MRPL14: variants seen among roughly 807,000 people sequenced by gnomAD.
MRPL14 encodes the protein mitochondrial ribosomal protein L14.
A neutral mutation model predicts 10.9 loss-of-function variants in MRPL14; 8 were observed. The ratio of observed to expected loss-of-function variants is 0.74; its 90% CI spans 0.43 to 1.33. MRPL14 has a LOEUF of 1.33. Among genes scored for constraint, MRPL14 ranks in the 40% most tolerant of loss-of-function variants. The pLI is 0.01. For synonymous variants in MRPL14, 82 were observed against 74.1 expected (o/e 1.11, Z -0.54); for missense variants, 179 against 194.5 (o/e 0.92, Z 0.47).
rs567751467 is a variant in MRPL14, at chr6:44,114,155, G to A, written c.126C>T (p.Asp42=). 1 of 1,614,004 alleles carries A rather than the reference G, an allele frequency of 6.2e-7. No individual in the cohort carries two copies. Among genetic ancestry groups the A allele is most frequent in the South Asian group, 1.1e-5 (1 of 91,078 alleles). ...ATGGGCTGTTCCCCAGGGCACTGTT[G>A]TCCACCACTCGTACCCGCGTCATCT... The part of the protein sequence containing the change: ...IQKMTRVRVV[D]NSALGNSPYH... Residue 42 remains aspartate, a synonymous_variant, in exon 3 of 3, where the codon GAC becomes GAT. Transcript: ENST00000372014.
intron 1 of MRPL14, among the ~76,000 whole-genome samples, chr6:44,116,918 A>G (rs1775906786): frequency 1.3e-5 from 2 of 152,210 alleles, no homozygotes; most frequent in Non-Finnish European, 2.9e-5. Context: ...TATCACTTCC[A>G]CAGGCAGGAG....
At chr6:44,123,707 G>C (rs1776667056) in intron 1 of MRPL14, among the ~76,000 whole-genome samples, 1 of 152,134 alleles carries the variant, frequency 6.6e-6, no homozygotes, top group Non-Finnish European at 1.5e-5. Flanking sequence ...GCCCCACCTT[G>C]TTGCAAAAGT....
At chr6:44,121,870 T>C (rs983440693) in intron 1 of MRPL14, among the ~76,000 whole-genome samples, 4 of 139,352 alleles carry the variant, frequency 2.9e-5, no homozygotes, top group South Asian at 2.3e-4. Context: ...ACCTGGGAGG[T>C]GGAGGTTGCA....
At chr6:44,117,772 C>T (rs2128194871) in intron 1 of MRPL14, among the ~76,000 whole-genome samples, 2 of 151,918 alleles carry the variant, frequency 1.3e-5, no homozygotes, top group South Asian at 4.2e-4. Context: ...TCAGGTGATC[C>T]TCCCACCTCA....
chr6:44,125,654 CAAAAAAAA>C (rs56951374), intron 1 of MRPL14, among the ~76,000 whole-genome samples: 9 of 64,592 alleles, frequency 1.4e-4, no homozygotes, highest in Admixed American at 5.1e-4. Flanking sequence ...GAGACTGTCT[CAAAAAAAA>C]AAAAAAAAAA....
intron 1 of MRPL14, among the ~76,000 whole-genome samples, chr6:44,124,424 C>T (rs1184036818): frequency 6.6e-6 from 1 of 152,224 alleles, no homozygotes; most frequent in Non-Finnish European, 1.5e-5. Flanking sequence ...GACAATCCTT[C>T]TCTGAATTAT....
intron 1 of MRPL14, among the ~76,000 whole-genome samples, chr6:44,117,521 C>T (rs1360431176): frequency 6.6e-6 from 1 of 152,108 alleles, no homozygotes; most frequent in African/African-American, 2.4e-5. Context: ...AGAGGTCTGC[C>T]GAGAAAAGCC....
At position 44,116,582 on chromosome 6, in the gene MRPL14, G is replaced by A. The variant is rs898562030; in HGVS notation, c.30C>T (p.Pro10=). MAFFTGLWG[P]FTCVSRVLSH... ...TCAGCACTCTGCTTACACAGGTGAA[G>A]GGGCCCCAGAGCCCAGTAAAGAAAG... Residue 10 remains proline, a synonymous_variant, in exon 2 of 3, where the codon CCC becomes CCT. Transcript: ENST00000372014. The A allele has an allele frequency of 6.2e-7, 1 of 1,614,194 alleles. No homozygotes were observed.
chr6:44,117,423 T>A (rs61746566), intron 1 of MRPL14, among the ~76,000 whole-genome samples: 349 of 152,266 alleles, frequency 2.3e-3, no homozygotes, highest in Non-Finnish European at 4.4e-3. Flanking sequence ...GAACATCACT[T>A]CAGAGCATGC....
chr6:44,116,839 A>T (rs1228593829), intron 1 of MRPL14, among the ~76,000 whole-genome samples: 1 of 152,200 alleles, frequency 6.6e-6, no homozygotes, highest in Non-Finnish European at 1.5e-5. Context: ...GGGGTTGGAG[A>T]GGGAGAATGG....
intron 2 of MRPL14, among the ~76,000 whole-genome samples, chr6:44,115,524 A>G (rs1333329659): frequency 1.3e-5 from 2 of 152,004 alleles, no homozygotes; most frequent in Admixed American, 1.3e-4. Flanking sequence ...TTTCTCTCCA[A>G]TCCCGCCAAC....
intron 1 of MRPL14, among the ~76,000 whole-genome samples, chr6:44,120,389 C>G (rs1162844996): frequency 6.6e-6 from 1 of 152,202 alleles, no homozygotes; most frequent in Admixed American, 6.5e-5. Flanking sequence ...GGCAACTGAA[C>G]GTGCTACAGG....
intron 1 of MRPL14, among the ~76,000 whole-genome samples, chr6:44,125,022 G>T (rs1252143089): frequency 6.6e-6 from 1 of 152,240 alleles, no homozygotes; most frequent in Non-Finnish European, 1.5e-5. Context: ...TAGGAGCTAA[G>T]AAGAGTCTAA....
intron 1 of MRPL14, among the ~76,000 whole-genome samples, chr6:44,125,350 A>G (rs1445053619): frequency 6.6e-6 from 1 of 152,224 alleles, no homozygotes; most frequent in Non-Finnish European, 1.5e-5. Flanking sequence ...TGTAAAAAAT[A>G]AAAACATATA....
intron 2 of MRPL14, among the ~76,000 whole-genome samples, chr6:44,115,971 C>T (rs1348406627): frequency 6.6e-6 from 1 of 152,234 alleles, no homozygotes; most frequent in East Asian, 1.9e-4. Flanking sequence ...CTGTGGCTGA[C>T]AGTGAGAATT....
In MRPL14 at chr6:44,116,626, G is replaced by C. The variant is rs897339001; in HGVS notation, c.-15C>G. On this transcript the variant is annotated 5_prime_UTR_variant, in exon 2 of 3. It adds an upstream start codon to the 5' untranslated region. Coordinates refer to ENST00000372014, the MANE Select transcript of MRPL14 (RefSeq NM_032111.4). The stretch of plus-strand genomic sequence containing the variant: ...AAGAAAGCCATGGGATCCCAAGATA[G>C]ATCCTGCAGGAAAAACGAGAGGGGG... The C allele has an allele frequency of 9.3e-6, 15 of 1,613,142 alleles. No individual in the cohort carries two copies. Among genetic ancestry groups the C allele is most frequent in the Non-Finnish European group, 1.3e-5 (15 of 1,179,148 alleles).
chr6:44,127,061 C>G (rs997672576), intron 1 of MRPL14: 15 of 151,940 alleles, frequency 9.9e-5, no homozygotes, highest in African/African-American at 3.6e-4. Context: ...CGCCGCAACC[C>G]GGGGAAAGCA....
chr6:44,114,291 G>T, intron 2 of MRPL14, 82 bp from the exon 3 acceptor site: 1 of 1,478,358 alleles, frequency 6.8e-7, no homozygotes, highest in Non-Finnish European at 9.1e-7. Context: ...CAAGGCTAGG[G>T]AGAATGTACA....
At position 44,125,792 on chromosome 6, in the gene MRPL14, C is replaced by T. The variant is rs567374080; in HGVS notation, c.-19+1552G>A. ...TGACCTCAAAGTGAATTTTATTGTT[C>T]CACACAAGCAACAGATTACACCAAT... On this transcript the variant is annotated intron_variant, in intron 1 of 2. Coordinates refer to ENST00000372014, the MANE Select transcript of MRPL14 (RefSeq NM_032111.4). Among the ~76,000 whole-genome samples, 6 of 151,986 alleles carry T rather than the reference C, an allele frequency of 3.9e-5. No individual in the cohort carries two copies. In the East Asian group the frequency reaches 1.2e-3, roughly 29 times the overall value.
Sources: gnomAD v4.1 joint callset for allele counts (sites outside exome capture counted in the v4.1 genomes callset) on GRCh38, gnomAD v4.1.1 for gene constraint, MANE v1.5 for transcripts, NCBI Gene and HGNC (gene_info 2026-07-23, HGNC 2026-07-21) for gene names.